Variants in RSRC1 observed in about 807,000 individuals in gnomAD.
RSRC1 encodes serine/Arginine-related protein 53.
In RSRC1, 39 loss-of-function variants were observed where a neutral mutation model predicts 49.1. That is an observed-to-expected ratio of 0.79 (90% CI 0.61 to 1.04). RSRC1 has a LOEUF of 1.04. Ranked by LOEUF, RSRC1 falls within the 50% of genes least tolerant of loss-of-function variation. The pLI, the probability that RSRC1 is intolerant of heterozygous loss-of-function variation, is 0.00. For missense variants in RSRC1, 388 were observed against 402.4 expected (o/e 0.96, Z 0.31); for synonymous variants, 143 against 130.8 (o/e 1.09, Z -0.63).
Position 158,517,830 on chromosome 3 carries a change from G to A in RSRC1, c.653-19262G>A, listed in dbSNP as rs536678164. On this transcript the variant is annotated intron_variant, in intron 7 of 9. Coordinates refer to ENST00000611884, the MANE Select transcript of RSRC1 (RefSeq NM_001271838.2). The stretch of plus-strand genomic sequence containing the variant: ...GTCTGACCAGGTTGGTCTTGAAATC[G>A]TGGACTCAGGCAGTCCTCCTGCCTC... 6.2e-4 allele frequency among the ~76,000 whole-genome samples: 81 copies of A among 129,612 alleles called. 2 individuals are homozygous for A. In the South Asian group the frequency reaches 0.011, roughly 18 times the overall value. The allele number at this position is 129,612 out of a possible 152,430, so 85.0% of individuals were successfully genotyped here. A position where few individuals can be genotyped will look rare whatever the true frequency, so the allele number is the denominator to read the frequency against.
intron 6 of RSRC1, among the ~76,000 whole-genome samples, chr3:158,378,822 C>T (rs1189104294): frequency 6.6e-6 from 1 of 152,180 alleles, no homozygotes; most frequent in East Asian, 1.9e-4. Context: ...CAACCATGAC[C>T]TACCCTTAGG....
chr3:158,530,599 G>A (rs1712327751), intron 7 of RSRC1, among the ~76,000 whole-genome samples: 1 of 151,774 alleles, frequency 6.6e-6, no homozygotes, highest in Admixed American at 6.6e-5. Context: ...TATTTGAAAA[G>A]AGAGGGATGG....
chr3:158,293,303 C>T (rs543504905), intron 4 of RSRC1, among the ~76,000 whole-genome samples: 14 of 151,894 alleles, frequency 9.2e-5, no homozygotes, highest in South Asian at 2.1e-4. Flanking sequence ...TGTGTACGTA[C>T]GTACATATGT....
chr3:158,250,959 C>T (rs1416902238), intron 4 of RSRC1, among the ~76,000 whole-genome samples: 1 of 152,058 alleles, frequency 6.6e-6, no homozygotes, highest in African/African-American at 2.4e-5. Flanking sequence ...GTAGTACTTT[C>T]GTAGTTTGAG....
intron 6 of RSRC1, among the ~76,000 whole-genome samples, chr3:158,396,249 A>T (rs548627039): frequency 6.6e-6 from 1 of 152,206 alleles, no homozygotes; most frequent in South Asian, 2.1e-4. Flanking sequence ...TATGCTTATC[A>T]TCTGGGTGAT....
chr3:158,182,181 T>C (rs951656370), intron 3 of RSRC1, among the ~76,000 whole-genome samples: 2 of 151,430 alleles, frequency 1.3e-5, no homozygotes, highest in Non-Finnish European at 2.9e-5. Context: ...GGTGAGGGAA[T>C]CTTAGATGTC....
intron 5 of RSRC1, among the ~76,000 whole-genome samples, chr3:158,315,122 A>G (rs1728354434): frequency 6.6e-6 from 1 of 152,204 alleles, no homozygotes; most frequent in Admixed American, 6.5e-5. Context: ...ATGAAACCAA[A>G]TGTAAACTCT....
chr3:158,392,631 A>G (rs948679214), intron 6 of RSRC1, among the ~76,000 whole-genome samples: 1 of 152,154 alleles, frequency 6.6e-6, no homozygotes, highest in Non-Finnish European at 1.5e-5. Flanking sequence ...AAGAAGACCT[A>G]TCCTAAATAT....
intron 6 of RSRC1, among the ~76,000 whole-genome samples, chr3:158,366,869 TG>T (rs1350551632): frequency 1.3e-5 from 2 of 152,184 alleles, no homozygotes; most frequent in Admixed American, 6.5e-5. Context: ...TCATATCCCT[TG>T]TAAGTTGGAT....
chr3:158,528,032 T>C (rs140471751), intron 7 of RSRC1, among the ~76,000 whole-genome samples: 193 of 151,992 alleles, frequency 1.3e-3, no homozygotes, highest in African/African-American at 4.5e-3. Context: ...ACTACATTTA[T>C]ATATTCATAG....
intron 4 of RSRC1, chr3:158,276,389 C>A: frequency 1.3e-6 from 1 of 778,664 alleles, no homozygotes; most frequent in South Asian, 1.4e-5. Flanking sequence ...GCTGCTTTCT[C>A]CATAGCTCCT....
intron 6 of RSRC1, among the ~76,000 whole-genome samples, chr3:158,363,137 T>G (rs1731570087): frequency 6.6e-6 from 1 of 152,202 alleles, no homozygotes; most frequent in South Asian, 2.1e-4. Context: ...TATCACTGCA[T>G]GGAGAGTTAA....
intron 5 of RSRC1, among the ~76,000 whole-genome samples, chr3:158,323,602 T>C (rs954943587): frequency 6.6e-6 from 1 of 152,202 alleles, no homozygotes; most frequent in Admixed American, 6.5e-5. Context: ...CTACCACCTC[T>C]GGTGCTGAAG....
rs142520519 is a variant in RSRC1 at position 158,418,543 on chromosome 3, G to A, written c.584-42392G>A. Among the ~76,000 whole-genome samples, 26 of 152,026 alleles carry A rather than the reference G, an allele frequency of 1.7e-4. No homozygotes were observed. The East Asian group carries it at 2.7e-3, about 16-fold the overall frequency. On this transcript the variant is annotated intron_variant, in intron 6 of 9. Coordinates refer to ENST00000611884, the MANE Select transcript of RSRC1 (RefSeq NM_001271838.2). The stretch of plus-strand genomic sequence containing the variant: ...TTTAAACTTTAGAGATCACATAACA[G>A]ATAATAGGTTGACATTCTTTTGTGG...
intron 4 of RSRC1, among the ~76,000 whole-genome samples, chr3:158,280,677 T>G (rs1726098001): frequency 7.5e-6 from 1 of 134,182 alleles, no homozygotes; most frequent in Non-Finnish European, 1.6e-5. Flanking sequence ...GACGGAGTCT[T>G]GCTCTTTTTC....
At chr3:158,493,767 T>C (rs567766554) in intron 7 of RSRC1, among the ~76,000 whole-genome samples, 1 of 152,290 alleles carries the variant, frequency 6.6e-6, no homozygotes, top group African/African-American at 2.4e-5. Context: ...CATCTGTGAT[T>C]GACTGAAGCT....
chr3:158,443,804 T>C (rs1042570108), intron 6 of RSRC1, among the ~76,000 whole-genome samples: 1 of 152,180 alleles, frequency 6.6e-6, no homozygotes, highest in Non-Finnish European at 1.5e-5. Flanking sequence ...TGGCTTTTCA[T>C]ATGAAGTGAG....
intron 6 of RSRC1, among the ~76,000 whole-genome samples, chr3:158,427,678 A>G (rs1735526606): frequency 6.6e-6 from 1 of 151,622 alleles, no homozygotes; most frequent in South Asian, 2.1e-4. Flanking sequence ...TTCTTAGTGT[A>G]TTTCTTTTTC....
intron 4 of RSRC1, among the ~76,000 whole-genome samples, chr3:158,268,748 CTTAATT>C (rs950307209): frequency 6.6e-6 from 1 of 152,100 alleles, no homozygotes; most frequent in African/African-American, 2.4e-5. Context: ...CACTATTAGT[CTTAATT>C]TTAATTTTAA....
Sources: allele counts gnomAD v4.1 joint callset (sites outside exome capture counted in the v4.1 genomes callset), GRCh38; gene constraint gnomAD v4.1.1; transcripts MANE v1.5; gene names NCBI Gene and HGNC (gene_info 2026-07-23, HGNC 2026-07-21).